Variants in ZXDC observed in about 807,000 individuals in gnomAD.
The protein encoded by ZXDC is ZXD family zinc finger C.
ZXDC carries 58 observed loss-of-function variants against 63.6 expected under a neutral mutation model. The observed-to-expected ratio is 0.91, with a 90% CI of 0.74 to 1.13. ZXDC has a LOEUF of 1.13. ZXDC is among the 50% of genes most tolerant of loss of function. The pLI is 0.00. For synonymous variants in ZXDC, 561 were observed against 496.1 expected (o/e 1.13, Z -1.74); for missense variants, 1,133 against 1,148.9 (o/e 0.99, Z 0.20).
intron 7 of ZXDC, chr3:126,453,472 A>G: frequency 7.1e-6 from 7 of 985,474 alleles, no homozygotes; most frequent in Non-Finnish European, 8.4e-6. Flanking sequence ...AGTTTTGGCT[A>G]CATCCCTTGT....
intron 7 of ZXDC, chr3:126,454,060 A>T: frequency 1.4e-6 from 1 of 706,682 alleles, no homozygotes; most frequent in South Asian, 7.2e-5. Flanking sequence ...ACATATATAT[A>T]TATATTTTTT....
chr3:126,475,765 C>T lies in ZXDC; in HGVS notation c.101G>A (p.Ser34Asn), dbSNP rs1390818145. 1.1e-5 allele frequency: 13 copies of T among 1,145,700 alleles called. No individual in the cohort carries two copies. Among genetic ancestry groups the T allele is most frequent in the African/African-American group, 5.0e-5 (3 of 60,544 alleles). The allele number at this position is 1,145,700 out of a possible 1,614,324, so 71.0% of individuals were successfully genotyped here. ...CAGTAGCAGGCGGCGGCGCGCGGGG[C>T]TCGCGCCGAGCGGCGCTGGGGCTCG... The part of the protein sequence containing the change: ...LRRAPAPLGA[S>N]PARRRLLLVR... The change falls in exon 1 of 10, where the codon AGC becomes AAC. Residue 34 changes from serine to asparagine, a missense_variant. Physicochemically the swap from Ser to Asn is conservative, Grantham distance 46. Transcript: ENST00000389709.
In ZXDC at chr3:126,438,308, T is replaced by C. The variant is rs1481453329; in HGVS notation, c.*67A>G. The C allele has an allele frequency of 3.6e-6, 5 of 1,384,230 alleles. No homozygotes were observed. The highest frequency in any genetic ancestry group is 4.9e-5 in the East Asian group (2 of 41,000). 85.7% of individuals were successfully genotyped at this position (1,384,230 alleles called of 1,614,324 possible). ...ACCAAATGAGGTCTCCCCAGGCTCATGTCATGAGTCTCAGGGAAGGTGTGT... is the reference window on the plus strand; with the variant it reads ...ACCAAATGAGGTCTCCCCAGGCTCACGTCATGAGTCTCAGGGAAGGTGTGT... On this transcript the variant is annotated 3_prime_UTR_variant, in exon 10 of 10. Transcript: ENST00000389709.
chr3:126,440,087 A>C (rs1933618764), intron 8 of ZXDC: 1 of 1,051,134 alleles, frequency 9.5e-7, no homozygotes, highest in East Asian at 8.2e-5. Context: ...GTGTACCCAG[A>C]GTGCTCTCCA....
chr3:126,454,751 A>T (rs1394341116), intron 7 of ZXDC: 1 of 985,292 alleles, frequency 1.0e-6, no homozygotes, highest in Non-Finnish European at 1.2e-6. Flanking sequence ...ATACATACCC[A>T]TTTATAGTTC....
chr3:126,441,903 C>A lies in ZXDC; in HGVS notation c.2256G>T (p.Met752Ile), dbSNP rs373380989. The A allele has an allele frequency of 6.2e-7, 1 of 1,612,028 alleles. No homozygotes were observed. Among genetic ancestry groups the A allele is most frequent in the Non-Finnish European group, 8.5e-7 (1 of 1,179,198 alleles). ...GGCTTGCATGGAAATGGGGAGGACT[C>A]ATTTTGCCTTCTTTTATTTTTCTCT... ...STQRKIKEGK[M>I]SPPHFHASQN... is the part of the protein sequence containing the mutation. Residue 752 changes from methionine to isoleucine, a missense_variant, in exon 8 of 10, where the codon ATG (methionine) becomes ATT (isoleucine). Transcript: ENST00000389709.
intron 7 of ZXDC, chr3:126,451,834 G>C: frequency 2.0e-6 from 2 of 985,276 alleles, no homozygotes; most frequent in Non-Finnish European, 2.4e-6. Flanking sequence ...TTTAACCTTG[G>C]GGCCTCAGTG....
chr3:126,471,043 A>G lies in ZXDC; in HGVS notation c.1140-18T>C. 1 of 1,611,836 alleles carries G rather than the reference A, an allele frequency of 6.2e-7. No homozygotes were observed. The highest frequency in any genetic ancestry group is 2.2e-5 in the East Asian group (1 of 44,838). On this transcript the variant is annotated intron_variant, in intron 3 of 9. Coordinates refer to ENST00000389709, the MANE Select transcript of ZXDC (RefSeq NM_025112.5). ...CATGTTTCCTGCCAGACAGAAAAAT[A>G]AAGGAGCTGTGATTCCTCACACAAC...
chr3:126,452,866 G>T, intron 7 of ZXDC: 1 of 300,824 alleles, frequency 3.3e-6, no homozygotes, highest in Non-Finnish European at 4.9e-6. Flanking sequence ...AGTCTCCCCA[G>T]TAATTGGGAC....
chr3:126,461,858 G>A lies in ZXDC; in HGVS notation c.1804C>T (p.Gln602Ter), dbSNP rs755546871. ...QQGSFSVDDVQTVSAGALGCL... is the reference protein window; with the variant it reads ...QQGSFSVDDV ...CCTAATGCTCCTGCACTCACAGTCT[G>A]CACGTCATCCACACTGAAGCTGCCC... Residue 602 changes from glutamine to a stop codon, truncating the protein, a stop_gained, in exon 6 of 10, where the codon CAG becomes TAG. Transcript: ENST00000389709. LOFTEE classifies it high-confidence loss of function. 7 of 1,614,190 alleles carry A rather than the reference G, an allele frequency of 4.3e-6. No homozygotes were observed. The highest frequency in any genetic ancestry group is 5.9e-6 in the Non-Finnish European group (7 of 1,180,028).
intron 6 of ZXDC, 194 bp downstream of exon 6, chr3:126,461,341 G>A: frequency 3.6e-6 from 5 of 1,374,052 alleles, no homozygotes; most frequent in Non-Finnish European, 4.7e-6. Flanking sequence ...AAATAAATGA[G>A]AATTTAAGGC....
intron 5 of ZXDC, among the ~76,000 whole-genome samples, chr3:126,463,842 T>C (rs1439195711): frequency 5.9e-5 from 9 of 152,132 alleles, no homozygotes; most frequent in Admixed American, 5.9e-4. Flanking sequence ...ATAATGCAAA[T>C]CTACAAAAGA....
At chr3:126,441,667 T>C in intron 8 of ZXDC, 98 bp downstream of exon 8, 1 of 1,440,686 alleles carries the variant, frequency 6.9e-7, no homozygotes, top group Non-Finnish European at 9.1e-7. Flanking sequence ...CAGGGGGTGC[T>C]GCGATGGGCA....
intron 7 of ZXDC, among the ~76,000 whole-genome samples, chr3:126,447,613 G>C (rs999787477): frequency 6.6e-6 from 1 of 152,148 alleles, no homozygotes; most frequent in African/African-American, 2.4e-5. Flanking sequence ...TCCAGCTTTG[G>C]GGGGATGCCA....
chr3:126,466,131 A>G, intron 5 of ZXDC, 24 bp downstream of exon 5: 1 of 1,600,040 alleles, frequency 6.2e-7, no homozygotes, highest in Non-Finnish European at 8.5e-7. Context: ...GCAGCTCCCC[A>G]TGGGGGCCGT....
chr3:126,466,218 T>G lies in ZXDC; in HGVS notation c.1378A>C (p.Arg460=), dbSNP rs1395326439. ...KSRCPVSTCN[R]LFTSKHSMKA... ...ATGCTGTGCTTGGAGGTGAAGAGTCTGTTGCAGGTAGAAACTGGGCAACGG... is the reference window on the plus strand; with the variant it reads ...ATGCTGTGCTTGGAGGTGAAGAGTCGGTTGCAGGTAGAAACTGGGCAACGG... Residue 460 remains arginine (R), a synonymous_variant, in exon 5 of 10, where the codon AGA becomes CGA. Coordinates refer to ENST00000389709, the MANE Select transcript of ZXDC (RefSeq NM_025112.5). The G allele has an allele frequency of 1.9e-6, 3 of 1,614,138 alleles. No homozygotes were observed. The African/African-American group carries it at 4.0e-5, about 22-fold the overall frequency.
chr3:126,445,428 A>G (rs896828312), intron 7 of ZXDC, among the ~76,000 whole-genome samples: 2 of 152,152 alleles, frequency 1.3e-5, no homozygotes, highest in Admixed American at 1.3e-4. Flanking sequence ...CCGGCTCATT[A>G]AAGTTTTAAT....
intron 7 of ZXDC, chr3:126,450,528 G>C: frequency 2.2e-6 from 1 of 456,636 alleles, no homozygotes; most frequent in Non-Finnish European, 4.4e-6. Flanking sequence ...TGTGGCACAG[G>C]AGCCACATGC....
chr3:126,467,493 G>A (rs1443152757), intron 4 of ZXDC, among the ~76,000 whole-genome samples: 3 of 152,202 alleles, frequency 2.0e-5, no homozygotes, highest in Non-Finnish European at 4.4e-5. Context: ...AAGACGGTGG[G>A]GTGGTACTGC....
Sources: allele counts gnomAD v4.1 joint callset (sites outside exome capture counted in the v4.1 genomes callset), GRCh38; gene constraint gnomAD v4.1.1; transcripts MANE v1.5; gene names NCBI Gene and HGNC (gene_info 2026-07-23, HGNC 2026-07-21).